VWC2L: variants seen among roughly 807,000 people sequenced by gnomAD.
VWC2L encodes the protein von Willebrand factor C domain containing 2 like.
VWC2L carries 10 observed loss-of-function variants against 21.6 expected under a neutral mutation model. That is an observed-to-expected ratio of 0.46 (90% confidence interval 0.29 to 0.78). VWC2L has a LOEUF of 0.78. Ranked by LOEUF, VWC2L falls within the 30% of genes least tolerant of loss-of-function variation. The pLI is 0.10. For missense variants in VWC2L, 209 were observed against 277.1 expected (o/e 0.75, Z 1.74); for synonymous variants, 96 against 94.3 (o/e 1.02, Z -0.10).
chr2:214,501,176 A>G (rs561466730), intron 3 of VWC2L, among the ~76,000 whole-genome samples: 1 of 152,206 alleles, frequency 6.6e-6, no homozygotes, highest in Non-Finnish European at 1.5e-5. Flanking sequence ...CTATAGAACA[A>G]GTACACTCCC....
intron 3 of VWC2L, among the ~76,000 whole-genome samples, chr2:214,485,315 G>GA (rs1036842918): frequency 1.2e-4 from 18 of 150,344 alleles, no homozygotes; most frequent in East Asian, 3.9e-4. Flanking sequence ...TTTAAAAAAA[G>GA]AAAAAAAAAG....
At chr2:214,533,544 A>G (rs531484343) in intron 3 of VWC2L, among the ~76,000 whole-genome samples, 4 of 104,546 alleles carry the variant, frequency 3.8e-5, no homozygotes, top group African/African-American at 1.1e-4. Flanking sequence ...CATAGAGGGG[A>G]AAAAGAAAAA....
chr2:214,531,620 T>C (rs565752728), intron 3 of VWC2L, among the ~76,000 whole-genome samples: 4 of 152,238 alleles, frequency 2.6e-5, no homozygotes, highest in African/African-American at 7.2e-5. Flanking sequence ...GTGGGTTCTT[T>C]GCAGAAGTGG....
intron 3 of VWC2L, among the ~76,000 whole-genome samples, chr2:214,519,497 T>C (rs980540675): frequency 1.3e-5 from 2 of 152,166 alleles, no homozygotes; most frequent in Non-Finnish European, 2.9e-5. Flanking sequence ...TTGGAAACCA[T>C]GATACCACAA....
intron 3 of VWC2L, among the ~76,000 whole-genome samples, chr2:214,474,231 CTA>C (rs1688465823): frequency 6.6e-6 from 1 of 152,044 alleles, no homozygotes; most frequent in African/African-American, 2.4e-5. Flanking sequence ...AGAGAAGAGT[CTA>C]TGTCACACAT....
chr2:214,427,046 C>T (rs151206859), intron 2 of VWC2L, among the ~76,000 whole-genome samples: 2,285 of 152,160 alleles, frequency 0.015, 25 homozygotes, highest in Middle Eastern at 0.034. Context: ...ATTATTTTTG[C>T]CAATTTAGAG....
intron 2 of VWC2L, among the ~76,000 whole-genome samples, chr2:214,416,254 T>C (rs927689045): frequency 6.6e-6 from 1 of 152,110 alleles, no homozygotes. Context: ...CTCTATTTAT[T>C]AGATTTTACT....
At chr2:214,568,111 C>T (rs951342535) in intron 3 of VWC2L, among the ~76,000 whole-genome samples, 1 of 152,184 alleles carries the variant, frequency 6.6e-6, no homozygotes, top group African/African-American at 2.4e-5. Flanking sequence ...TGCCCTTTAA[C>T]AAGTCCCTTA....
rs1264592369 is a variant in VWC2L at position 214,436,617 on chromosome 2, A to T, written c.391-12A>T. 1 of 1,612,186 alleles carries T rather than the reference A, an allele frequency of 6.2e-7. No homozygotes were observed. The highest frequency in any genetic ancestry group is 1.1e-5 in the South Asian group (1 of 91,038). ...ATAGGAGAAAAGGGGCTAATTTTAG[A>T]TTTGTTCCTAGCCCTCTCCATGTGA... On this transcript the variant is annotated splice_polypyrimidine_tract_variant and intron_variant, in intron 2 of 3. Coordinates refer to ENST00000312504, the MANE Select transcript of VWC2L (RefSeq NM_001080500.4).
At chr2:214,446,579 T>C (rs1352311423) in intron 3 of VWC2L, among the ~76,000 whole-genome samples, 1 of 152,330 alleles carries the variant, frequency 6.6e-6, no homozygotes, top group African/African-American at 2.4e-5. Context: ...TAGGGCTACC[T>C]GGTCTTCAAG....
intron 2 of VWC2L, among the ~76,000 whole-genome samples, chr2:214,421,836 G>T (rs527872893): frequency 2.7e-5 from 4 of 145,494 alleles, no homozygotes; most frequent in Non-Finnish European, 3.0e-5. Flanking sequence ...AGACAGAATT[G>T]GTTAATCGGG....
intron 3 of VWC2L, among the ~76,000 whole-genome samples, chr2:214,465,980 C>T (rs996305048): frequency 6.6e-6 from 1 of 152,186 alleles, no homozygotes; most frequent in African/African-American, 2.4e-5. Context: ...TTCTTTCTCT[C>T]TGCAATGAGG....
At chr2:214,442,206 G>A (rs762113512) in intron 3 of VWC2L, among the ~76,000 whole-genome samples, 12 of 152,118 alleles carry the variant, frequency 7.9e-5, no homozygotes, top group South Asian at 2.1e-4. Flanking sequence ...CACTGTGCCC[G>A]GACAATAAGA....
intron 3 of VWC2L, among the ~76,000 whole-genome samples, chr2:214,463,817 A>G (rs936628167): frequency 6.6e-6 from 1 of 152,042 alleles, no homozygotes; most frequent in Non-Finnish European, 1.5e-5. Context: ...GATACTTTCT[A>G]GATCTTGTAG....
chr2:214,530,431 C>T (rs1056891175), intron 3 of VWC2L, among the ~76,000 whole-genome samples: 1 of 152,156 alleles, frequency 6.6e-6, no homozygotes, highest in African/African-American at 2.4e-5. Context: ...TAGTCATTTG[C>T]TTACAATACA....
chr2:214,500,225 A>G (rs1037673508), intron 3 of VWC2L, among the ~76,000 whole-genome samples: 42 of 152,242 alleles, frequency 2.8e-4, no homozygotes, highest in African/African-American at 9.9e-4. Flanking sequence ...ACTACATACT[A>G]TTATTTTTCT....
chr2:214,566,374 C>T (rs533759320), intron 3 of VWC2L, among the ~76,000 whole-genome samples: 70 of 152,220 alleles, frequency 4.6e-4, no homozygotes, highest in African/African-American at 1.3e-3. Context: ...CCTCTCTTCA[C>T]GCCAGCCCTT....
intron 3 of VWC2L, among the ~76,000 whole-genome samples, chr2:214,523,684 C>A (rs1362528040): frequency 1.3e-5 from 2 of 152,020 alleles, no homozygotes; most frequent in Non-Finnish European, 2.9e-5. Context: ...ACTAAAAATA[C>A]AAAACTTAAC....
chr2:214,541,006 A>T (rs1388222799), intron 3 of VWC2L, among the ~76,000 whole-genome samples: 1 of 152,074 alleles, frequency 6.6e-6, no homozygotes, highest in African/African-American at 2.4e-5. Context: ...TTTTCTTGAG[A>T]CATGCTAGTT....
Sources: gnomAD v4.1 joint callset for allele counts (sites outside exome capture counted in the v4.1 genomes callset) on GRCh38, gnomAD v4.1.1 for gene constraint, MANE v1.5 for transcripts, NCBI Gene and HGNC (gene_info 2026-07-23, HGNC 2026-07-21) for gene names.